Variants in TOX4 observed in about 807,000 individuals in gnomAD.
TOX4 encodes TOX high mobility group box family member 4.
A neutral mutation model predicts 61.0 loss-of-function variants in TOX4; 12 were observed. The ratio of observed to expected loss-of-function variants is 0.20; its 90% CI spans 0.13 to 0.32. The LOEUF is 0.32. TOX4 is among the 10% of genes least tolerant of loss of function. TOX4 has a pLI of 1.00. For missense variants in TOX4, 499 were observed against 753.3 expected, an observed-to-expected ratio of 0.66 and a Z score of 3.95; for synonymous variants, 268 against 274.8, an observed-to-expected ratio of 0.98 and a Z score of 0.24.
chr14:21,492,504 T>C lies in TOX4; in HGVS notation c.892-4T>C, dbSNP rs199711825. 418 of 1,612,702 alleles carry C rather than the reference T, an allele frequency of 2.6e-4. No individual in the cohort carries two copies. Among genetic ancestry groups the C allele is most frequent in the Non-Finnish European group, 3.3e-4 (384 of 1,179,226 alleles). Reference sequence around the variant, plus strand: ...TTGATAGATTGATTTATGTCTTCTTTTAGGCCACTGTGGAAACAGTGGAAT... The same window carrying C: ...TTGATAGATTGATTTATGTCTTCTTCTAGGCCACTGTGGAAACAGTGGAAT... On this transcript the variant is annotated splice_polypyrimidine_tract_variant and splice_region_variant and intron_variant, in intron 6 of 8. Transcript: ENST00000448790.
chr14:21,477,998 G>A (rs1326727026), intron 2 of TOX4, among the ~76,000 whole-genome samples: 2 of 152,210 alleles, frequency 1.3e-5, no homozygotes, highest in Non-Finnish European at 1.5e-5. Flanking sequence ...GTGCAGTGGT[G>A]CGATCTCGGC....
In TOX4 at chr14:21,498,567, G is replaced by A. The variant is rs1891469713; in HGVS notation, c.*1961G>A. ...ATAGATTCTGGTGTTAAAATAGACT[G>A]GATCTGTATTATCTGAGGGTTAGTA... On this transcript the variant is annotated 3_prime_UTR_variant, in exon 9 of 9. Coordinates refer to ENST00000448790, the MANE Select transcript of TOX4 (RefSeq NM_014828.4). 2 of 600,772 alleles carry A rather than the reference G, an allele frequency of 3.3e-6. No individual in the cohort carries two copies. Among genetic ancestry groups the A allele is most frequent in the African/African-American group, 3.7e-5 (2 of 53,890 alleles). The allele number at this position is 600,772 out of a possible 1,614,324, so 37.2% of individuals were successfully genotyped here.
At chr14:21,488,994 C>A in intron 4 of TOX4, 144 bp downstream of exon 4, 2 of 1,304,416 alleles carry the variant, frequency 1.5e-6, no homozygotes, top group Non-Finnish European at 2.1e-6. Context: ...CTCCCAATTT[C>A]CAGTTTATAA....
At chr14:21,490,571 C>CACCTTA (rs1176881521) in intron 5 of TOX4, among the ~76,000 whole-genome samples, 2 of 152,294 alleles carry the variant, frequency 1.3e-5, no homozygotes, top group East Asian at 3.9e-4. Context: ...AACTGGAGCC[C>CACCTTA]ACTGCCCAGT....
At chr14:21,489,498 A>G (rs1297133470) in intron 5 of TOX4, 95 bp downstream of exon 5, 7 of 1,060,194 alleles carry the variant, frequency 6.6e-6, no homozygotes, top group Non-Finnish European at 9.6e-6. Context: ...TCCTTATCTA[A>G]TATCAGCTGT....
intron 1 of TOX4, 66 bp downstream of exon 1, chr14:21,477,350 G>A (rs928200598): frequency 7.4e-6 from 12 of 1,613,748 alleles, no homozygotes; most frequent in African/African-American, 1.3e-5. Flanking sequence ...GCAGGGACGG[G>A]AAGCCGGGCG....
At chr14:21,491,697 G>A (rs1282740655) in intron 5 of TOX4, among the ~76,000 whole-genome samples, 1 of 150,862 alleles carries the variant, frequency 6.6e-6, no homozygotes, top group Non-Finnish European at 1.5e-5. Context: ...AAGTGAGCAT[G>A]GGTTGATGTT....
Position 21,477,251 on chromosome 14 carries a change from C to G in TOX4, c.-28C>G. On this transcript the variant is annotated 5_prime_UTR_variant, in exon 1 of 9. Coordinates refer to ENST00000448790, the MANE Select transcript of TOX4 (RefSeq NM_014828.4). ...TGGGGGCGGTGGGAGCGATGAGGGT[C>G]TGAGACGGTGGGAGCGGTTGTGTGA... 6.2e-7 allele frequency: 1 copy of G among 1,613,856 alleles called. No individual in the cohort carries two copies. Among genetic ancestry groups the G allele is most frequent in the South Asian group, 1.1e-5 (1 of 91,064 alleles).
chr14:21,495,204 C>T, intron 7 of TOX4, 25 bp from the exon 8 acceptor site: 1 of 1,611,972 alleles, frequency 6.2e-7, no homozygotes, highest in Non-Finnish European at 8.5e-7. Context: ...TCTAATCCAC[C>T]TTGGTACTCT....
chr14:21,493,299 TA>T (rs1205639623), intron 7 of TOX4, 42 bp downstream of exon 7: 5 of 1,542,642 alleles, frequency 3.2e-6, no homozygotes, highest in African/African-American at 1.4e-5. Flanking sequence ...TGGAAATGTA[TA>T]AAAATGTTTT....
In TOX4 at chr14:21,498,741, A is replaced by AG. The variant is rs1289747203; in HGVS notation, c.*2140dup. 2 of 471,270 alleles carry AG rather than the reference A, an allele frequency of 4.2e-6. No individual in the cohort carries two copies. The highest frequency in any genetic ancestry group is 2.9e-5 in the South Asian group (1 of 34,844). 29.2% of individuals were successfully genotyped at this position (471,270 alleles called of 1,614,324 possible). ...TTAAATAGATAACTTCGTAACCACC[A>AG]GGGGGCAGATTCAATACATCACAGA... On this transcript the variant is annotated 3_prime_UTR_variant, in exon 9 of 9. Transcript: ENST00000448790.
chr14:21,477,670 G>A (rs1891022843), intron 2 of TOX4, 106 bp downstream of exon 2: 10 of 1,248,374 alleles, frequency 8.0e-6, no homozygotes, highest in Admixed American at 2.0e-5. Flanking sequence ...GGGAACCAAG[G>A]GCCGCAATTG....
In TOX4 at chr14:21,498,990, C is replaced by A. The variant is rs774310763; in HGVS notation, c.*2384C>A. ...TCTGTCCTTAATCATAAATAATAGC[C>A]CCTTGAGGACTAGCCTGTTCTCTGG... On this transcript the variant is annotated 3_prime_UTR_variant, in exon 9 of 9. Coordinates refer to ENST00000448790, the MANE Select transcript of TOX4 (RefSeq NM_014828.4). 13 of 1,397,264 alleles carry A rather than the reference C, an allele frequency of 9.3e-6. No individual in the cohort carries two copies. The highest frequency in any genetic ancestry group is 1.3e-5 in the Non-Finnish European group (13 of 982,392). The allele number at this position is 1,397,264 out of a possible 1,614,324, so 86.6% of individuals were successfully genotyped here. A position where few individuals can be genotyped will look rare whatever the true frequency, so the allele number is the denominator to read the frequency against.
At position 21,485,536 on chromosome 14, in the gene TOX4, C is replaced by T. The variant is rs549151335; in HGVS notation, c.76-1915C>T. Among the ~76,000 whole-genome samples the T allele has an allele frequency of 2.9e-5, 3 of 102,570 alleles. 1 individual carries two copies. The East Asian group carries it at 1.1e-3, about 37-fold the overall frequency. The allele number at this position is 102,570 out of a possible 152,430, so 67.3% of individuals were successfully genotyped here. On this transcript the variant is annotated intron_variant, in intron 2 of 8. Transcript: ENST00000448790. ...GCGGAGGTTGCAGTGAGCAATATCA[C>T]GCCACTGCATTTTATCATGGGTGAC...
intron 2 of TOX4, among the ~76,000 whole-genome samples, chr14:21,486,546 C>G (rs1891193155): frequency 6.6e-6 from 1 of 152,128 alleles, no homozygotes; most frequent in South Asian, 2.1e-4. Context: ...AGGTCTTGTA[C>G]CCAGGTCTCT....
In TOX4 at chr14:21,493,022, T is replaced by A; in HGVS notation, c.1406T>A (p.Leu469His). Residue 469 changes from leucine to histidine, a missense_variant, in exon 7 of 9, where the codon CTC becomes CAC. By Grantham distance (99) the Leu-to-His change is moderately conservative. Transcript: ENST00000448790. ...ACCATTCTGCAGCAGCCTCCTCCAC[T>A]CCAGGCCATGCAACAGCCTCCACCT... The part of the protein sequence containing the change: ...QVTILQQPPP[L>H]QAMQQPPPQK... The A allele has an allele frequency of 6.2e-7, 1 of 1,613,260 alleles. No individual in the cohort carries two copies. Among genetic ancestry groups the A allele is most frequent in the Non-Finnish European group, 8.5e-7 (1 of 1,179,716 alleles).
chr14:21,490,028 G>C (rs1245810551), intron 5 of TOX4, among the ~76,000 whole-genome samples: 5 of 151,862 alleles, frequency 3.3e-5, no homozygotes, highest in Admixed American at 2.0e-4. Context: ...CAGAAAATTA[G>C]CTGGGTGTGG....
chr14:21,484,636 C>T lies in TOX4; in HGVS notation c.76-2815C>T, dbSNP rs1211746122. Among the ~76,000 whole-genome samples, 6 of 103,374 alleles carry T rather than the reference C, an allele frequency of 5.8e-5. 2 individuals carry two copies. Among genetic ancestry groups the T allele is most frequent in the Admixed American group, 2.6e-4 (3 of 11,460 alleles). 67.8% of individuals were successfully genotyped at this position (103,374 alleles called of 152,430 possible). ...AAGTGCTGAGATTATAGGCATGAGC[C>T]ACGGCACCCGGCCTTTATTTTCTTT... On this transcript the variant is annotated intron_variant, in intron 2 of 8. Transcript: ENST00000448790.
rs1468977446 is a variant in TOX4 at position 21,497,479 on chromosome 14, CAT to C, written c.*875_*876del. On this transcript the variant is annotated 3_prime_UTR_variant, in exon 9 of 9. Transcript: ENST00000448790. ...AACCTCCTCCTCAACCAGCTACGTACATAGTTTTATCCTATGCATTCCTGTTT... is the reference window on the plus strand; with the variant it reads ...AACCTCCTCCTCAACCAGCTACGTACAGTTTTATCCTATGCATTCCTGTTT... The C allele has an allele frequency of 1.3e-5, 2 of 150,782 alleles. No individual in the cohort carries two copies. The highest frequency in any genetic ancestry group is 3.9e-4 in the East Asian group (2 of 5,142). The allele number at this position is 150,782 out of a possible 1,614,324, so 9.3% of individuals were successfully genotyped here.
Sources: gnomAD v4.1 joint callset for allele counts (sites outside exome capture counted in the v4.1 genomes callset) on GRCh38, gnomAD v4.1.1 for gene constraint, MANE v1.5 for transcripts, NCBI Gene and HGNC (gene_info 2026-07-23, HGNC 2026-07-21) for gene names.